PTPRD: variants seen among roughly 807,000 people sequenced by gnomAD.
The protein encoded by PTPRD is receptor-type tyrosine-protein phosphatase delta.
A neutral mutation model predicts 214.5 loss-of-function variants in PTPRD; 34 were observed. The observed-to-expected ratio is 0.16, with a 90% CI of 0.12 to 0.21. The LOEUF (loss-of-function observed/expected upper bound fraction) is 0.21. Among genes scored for constraint, PTPRD ranks in the 10% least tolerant of loss-of-function variants. PTPRD has a pLI of 1.00. For missense variants in PTPRD, 2,545 were observed against 2,398.7 expected (o/e 1.06, Z -1.27); for synonymous variants, 1,128 against 845.7 (o/e 1.33, Z -5.79).
chr9:9,856,622 A>AG (rs144649083), intron 5 of PTPRD, among the ~76,000 whole-genome samples: 1 of 147,278 alleles, frequency 6.8e-6, no homozygotes, highest in Admixed American at 7.1e-5. Context: ...TGTTAAAAAA[A>AG]AAGAAGAAAA....
At chr9:9,906,774 T>C (rs2077685498) in intron 5 of PTPRD, among the ~76,000 whole-genome samples, 2 of 151,938 alleles carry the variant, frequency 1.3e-5, no homozygotes, top group East Asian at 1.9e-4. Flanking sequence ...TACATGGAGT[T>C]TTTTGTTACA....
intron 3 of PTPRD, among the ~76,000 whole-genome samples, chr9:10,231,207 T>A (rs1324599729): frequency 6.6e-6 from 1 of 151,920 alleles, no homozygotes; most frequent in Non-Finnish European, 1.5e-5. Context: ...TACAAATGTA[T>A]GCTTTCATGT....
intron 11 of PTPRD, among the ~76,000 whole-genome samples, chr9:8,804,572 C>A (rs1223078388): frequency 6.6e-6 from 1 of 151,988 alleles, no homozygotes; most frequent in African/African-American, 2.4e-5. Context: ...ACTGCAGTCC[C>A]GTGTGACAGA....
intron 8 of PTPRD, among the ~76,000 whole-genome samples, chr9:9,425,062 A>G (rs537568519): frequency 1.2e-4 from 19 of 152,302 alleles, no homozygotes; most frequent in South Asian, 2.1e-4. Context: ...TGCTGTATTC[A>G]TTTTTGAAAG....
intron 3 of PTPRD, among the ~76,000 whole-genome samples, chr9:10,315,700 G>T (rs2096402847): frequency 6.6e-6 from 1 of 151,860 alleles, no homozygotes; most frequent in South Asian, 2.1e-4. Flanking sequence ...AACATACCTT[G>T]CTCCATTAGC....
intron 4 of PTPRD, among the ~76,000 whole-genome samples, chr9:10,007,945 A>G (rs1359961861): frequency 6.6e-6 from 1 of 152,028 alleles, no homozygotes; most frequent in Admixed American, 6.6e-5. Flanking sequence ...TCATATTTCT[A>G]TACTTAAGAA....
At chr9:9,064,049 G>A (rs571120810) in intron 10 of PTPRD, among the ~76,000 whole-genome samples, 5 of 152,180 alleles carry the variant, frequency 3.3e-5, no homozygotes, top group East Asian at 1.9e-4. Context: ...TATCAGCTGA[G>A]TGCTTTAATC....
At position 8,734,028 on chromosome 9, in the gene PTPRD, T is replaced by G. The variant is rs2271445; in HGVS notation, c.-103-82A>C. On this transcript the variant is annotated intron_variant, in intron 11 of 45. Transcript: ENST00000381196. ...TCTTACTCTTTCCCCCCTGGTTCCATCACAATCACCATGACAGACACAATC... is the reference window on the plus strand; with the variant it reads ...TCTTACTCTTTCCCCCCTGGTTCCAGCACAATCACCATGACAGACACAATC... 6.0e-3 allele frequency: 3,671 copies of G among 612,618 alleles called. 123 individuals carry two copies. The highest frequency in any genetic ancestry group is 0.053 in the East Asian group (1,896 of 36,086). 37.9% of individuals were successfully genotyped at this position (612,618 alleles called of 1,614,324 possible).
At chr9:9,693,451 TC>T (rs1425061354) in intron 7 of PTPRD, among the ~76,000 whole-genome samples, 2 of 152,114 alleles carry the variant, frequency 1.3e-5, no homozygotes, top group South Asian at 2.1e-4. Flanking sequence ...GTAAGTTTCC[TC>T]CCCCCGCCAT....
At chr9:8,635,767 T>C (rs1041192874) in intron 13 of PTPRD, among the ~76,000 whole-genome samples, 2 of 152,098 alleles carry the variant, frequency 1.3e-5, no homozygotes, top group African/African-American at 2.4e-5. Flanking sequence ...TTTGGGGGTA[T>C]TGGTAGCCCC....
chr9:10,348,464 G>A (rs537629989), intron 2 of PTPRD, among the ~76,000 whole-genome samples: 1 of 152,064 alleles, frequency 6.6e-6, no homozygotes, highest in South Asian at 2.1e-4. Context: ...CCCCTTACGT[G>A]GTGCACATCA....
intron 5 of PTPRD, among the ~76,000 whole-genome samples, chr9:9,809,109 C>T (rs1428093622): frequency 6.6e-6 from 1 of 152,000 alleles, no homozygotes; most frequent in Non-Finnish European, 1.5e-5. Context: ...TAATCCCCAA[C>T]TATGTGGCCC....
At chr9:10,469,224 C>G (rs2099014356) in intron 2 of PTPRD, among the ~76,000 whole-genome samples, 1 of 152,126 alleles carries the variant, frequency 6.6e-6, no homozygotes, top group African/African-American at 2.4e-5. Flanking sequence ...GAAGTAGACC[C>G]AGACAACTTT....
Position 10,406,483 on chromosome 9 carries a change from A to C in PTPRD, c.-599-65466T>G, listed in dbSNP as rs1180645008. On this transcript the variant is annotated intron_variant, in intron 2 of 45. Transcript: ENST00000381196. ...TGTGTACCCTATCAAAAATCTTGAC[A>C]ACATTCTGACTTTGGAAATTAGAAA... 2.0e-5 allele frequency among the ~76,000 whole-genome samples: 3 copies of C among 151,694 alleles called. No individual in the cohort carries two copies. The South Asian group carries it at 6.2e-4, about 31-fold the overall frequency.
chr9:9,856,440 C>G (rs2061570860), intron 5 of PTPRD, among the ~76,000 whole-genome samples: 1 of 152,068 alleles, frequency 6.6e-6, no homozygotes, highest in African/African-American at 2.4e-5. Context: ...CCTCCTGTCT[C>G]TATCAAAAGT....
At chr9:8,536,187 C>T (rs183601845) in intron 14 of PTPRD, among the ~76,000 whole-genome samples, 36 of 151,810 alleles carry the variant, frequency 2.4e-4, no homozygotes, top group African/African-American at 8.4e-4. Flanking sequence ...GTCATGTTTC[C>T]TCTATGCAAA....
intron 2 of PTPRD, among the ~76,000 whole-genome samples, chr9:10,590,781 C>A (rs2075246172): frequency 6.6e-6 from 1 of 151,718 alleles, no homozygotes; most frequent in African/African-American, 2.4e-5. Context: ...TTAGGAGTTT[C>A]ACAAATGTAA....
chr9:10,518,302 G>A (rs779925006), intron 2 of PTPRD, among the ~76,000 whole-genome samples: 42 of 152,054 alleles, frequency 2.8e-4, no homozygotes, highest in Non-Finnish European at 5.7e-4. Context: ...AGAGCCTGGC[G>A]TATGGTTGTA....
chr9:9,742,152 C>T (rs955867389), intron 6 of PTPRD, among the ~76,000 whole-genome samples: 5 of 152,070 alleles, frequency 3.3e-5, no homozygotes, highest in African/African-American at 1.2e-4. Flanking sequence ...CTCTAATGAC[C>T]AGTGATGATG....
Sources: gnomAD v4.1 joint callset for allele counts (sites outside exome capture counted in the v4.1 genomes callset) on GRCh38, gnomAD v4.1.1 for gene constraint, MANE v1.5 for transcripts, NCBI Gene and HGNC (gene_info 2026-07-23, HGNC 2026-07-21) for gene names.